GLIS3: variants seen among roughly 807,000 people sequenced by gnomAD.
GLIS3 encodes GLIS family zinc finger 3.
Under a neutral mutation model 78.6 loss-of-function variants are expected in GLIS3, and 53 were observed. The observed-to-expected ratio is 0.67, with a 90% CI of 0.54 to 0.85. GLIS3 has a LOEUF of 0.85. Among genes scored for constraint, GLIS3 ranks in the 40% least tolerant of loss-of-function variants. The probability of loss-of-function intolerance (pLI) is 0.00; values close to 1 mark genes in which losing one functional copy is unlikely to be tolerated. For missense variants in GLIS3, 1,703 were observed against 1,231.1 expected, an observed-to-expected ratio of 1.38 and a Z score of -5.74; for synonymous variants, 684 against 509.9, an observed-to-expected ratio of 1.34 and a Z score of -4.60.
the GLIS3 span, among the ~76,000 whole-genome samples, chr9:4,358,678 TC>T: frequency 6.6e-6 from 1 of 152,182 alleles, no homozygotes; most frequent in African/African-American, 2.4e-5. Flanking sequence ...TGTACAGTAG[TC>T]TTTCTACAGA....
rs1818922867 is a variant in GLIS3 at position 3,977,933 on chromosome 9, T to C, written c.1711-40744A>G. On this transcript the variant is annotated intron_variant, in intron 4 of 10. Coordinates refer to ENST00000381971, the MANE Select transcript of GLIS3 (RefSeq NM_001042413.2). This position sits in a 1 kb window ranked among gnomAD's most constrained non-coding sequence, Gnocchi z 4.1. ...ACTTTTATTTGTGAGTGTGAAATGG[T>C]AATATTTCATGACAGCGAAAGGCCA... 6.6e-6 allele frequency among the ~76,000 whole-genome samples: 1 copy of C among 152,210 alleles called. No individual in the cohort carries two copies. The highest frequency in any genetic ancestry group is 2.1e-4 in the South Asian group (1 of 4,834).
At chr9:4,355,101 T>A in the GLIS3 span, among the ~76,000 whole-genome samples, 1 of 149,748 alleles carries the variant, frequency 6.7e-6, no homozygotes, top group Non-Finnish European at 1.5e-5. Context: ...ACTGCACTCT[T>A]AGCCTGGGCG....
At chr9:4,279,409 T>A (rs890265940) in intron 2 of GLIS3, among the ~76,000 whole-genome samples, 1 of 148,420 alleles carries the variant, frequency 6.7e-6, no homozygotes, top group Non-Finnish European at 1.5e-5. Context: ...ATCAGCGTTT[T>A]TTTTAATGAA....
At position 3,921,923 on chromosome 9, in the gene GLIS3, T is replaced by TAC. The variant is rs6150898; in HGVS notation, c.1983+10435_1983+10436dup. Reference sequence around the variant, plus strand: ...TCTATTATTCATCCATCATACTGTGTACACACACACACACACACACACACT... The same window carrying TAC: ...TCTATTATTCATCCATCATACTGTGTACACACACACACACACACACACACACT... On this transcript the variant is annotated intron_variant, in intron 6 of 10. Coordinates refer to ENST00000381971, the MANE Select transcript of GLIS3 (RefSeq NM_001042413.2). 7.5e-3 allele frequency among the ~76,000 whole-genome samples: 1,123 copies of TAC among 149,858 alleles called. 19 individuals are homozygous for TAC. The highest frequency in any genetic ancestry group is 0.024 in the African/African-American group (976 of 40,786).
At chr9:4,458,343 TTGTGG>T in the GLIS3 span, among the ~76,000 whole-genome samples, 1 of 152,204 alleles carries the variant, frequency 6.6e-6, no homozygotes, top group Non-Finnish European at 1.5e-5. Flanking sequence ...CAAGGAGCTC[TTGTGG>T]TGTGGAGAGA....
the GLIS3 span, among the ~76,000 whole-genome samples, chr9:4,411,418 T>C: frequency 1.3e-5 from 2 of 152,334 alleles, no homozygotes; most frequent in South Asian, 4.1e-4. Context: ...GTGATACAGA[T>C]GACCCATAAT....
chr9:4,445,711 C>G, the GLIS3 span, among the ~76,000 whole-genome samples: 1 of 152,180 alleles, frequency 6.6e-6, no homozygotes, highest in African/African-American at 2.4e-5. Flanking sequence ...AGGGACCAAA[C>G]GACCTACTCA....
intron 4 of GLIS3, among the ~76,000 whole-genome samples, chr9:4,056,222 C>A (rs1245328767): frequency 6.6e-6 from 1 of 152,188 alleles, no homozygotes; most frequent in African/African-American, 2.4e-5. Flanking sequence ...TCTCTAAAAG[C>A]CCTTCCAGCT....
chr9:4,407,917 G>T, the GLIS3 span, among the ~76,000 whole-genome samples: 1 of 150,798 alleles, frequency 6.6e-6, no homozygotes, highest in South Asian at 2.1e-4. Flanking sequence ...AACTCTAAGA[G>T]GAAAAAAAAA....
rs181664170 is a variant in GLIS3, at chr9:4,148,600, C to G, written c.389-22659G>C. On this transcript the variant is annotated intron_variant, in intron 2 of 10. Transcript: ENST00000381971. ...AGGCCCATGAGGACAGGGACTGTAC[C>G]TAATCCACCTGGACCCCTACCCATC... Among the ~76,000 whole-genome samples the G allele has an allele frequency of 1.0e-3, 152 of 152,026 alleles. 1 individual carries two copies. The highest frequency in any genetic ancestry group is 3.5e-3 in the African/African-American group (147 of 41,502).
At chr9:4,290,432 C>T (rs1244890951) in intron 1 of GLIS3, among the ~76,000 whole-genome samples, 2 of 152,044 alleles carry the variant, frequency 1.3e-5, no homozygotes, top group Admixed American at 1.3e-4. Context: ...TGTATAATTT[C>T]ATTAATGCCG....
At chr9:4,198,582 A>G (rs1449181854) in intron 2 of GLIS3, among the ~76,000 whole-genome samples, 2 of 152,214 alleles carry the variant, frequency 1.3e-5, no homozygotes, top group Non-Finnish European at 2.9e-5. Context: ...AGATCTTACA[A>G]ATTACTGGCA....
At chr9:4,360,113 T>C in the GLIS3 span, among the ~76,000 whole-genome samples, 1 of 152,078 alleles carries the variant, frequency 6.6e-6, no homozygotes, top group Non-Finnish European at 1.5e-5. Context: ...CTGTTTTTAC[T>C]CAATGAGGGC....
chr9:3,849,598 T>G (rs1267992485), intron 9 of GLIS3, among the ~76,000 whole-genome samples: 1 of 152,134 alleles, frequency 6.6e-6, no homozygotes, highest in Admixed American at 6.5e-5. Context: ...TTGCACTGTT[T>G]CCTGTTAGAC....
At chr9:4,250,149 G>T (rs146064402) in intron 2 of GLIS3, among the ~76,000 whole-genome samples, 2,020 of 152,246 alleles carry the variant, frequency 0.013, 37 homozygotes, top group African/African-American at 0.047. Flanking sequence ...GAGTTAGGGA[G>T]GATTCCCTCT....
At chr9:4,449,864 G>T in the GLIS3 span, among the ~76,000 whole-genome samples, 1 of 152,272 alleles carries the variant, frequency 6.6e-6, no homozygotes, top group Admixed American at 6.5e-5. Flanking sequence ...AGGACCAAAG[G>T]TAGATAAAAC....
chr9:4,006,647 G>A (rs944129472), intron 4 of GLIS3, among the ~76,000 whole-genome samples: 2 of 152,152 alleles, frequency 1.3e-5, no homozygotes, highest in African/African-American at 4.8e-5. Context: ...TGCACTAGAT[G>A]AAAACACTGA....
At chr9:3,985,016 C>G (rs1346978982) in intron 4 of GLIS3, among the ~76,000 whole-genome samples, 1 of 151,982 alleles carries the variant, frequency 6.6e-6, no homozygotes, top group Non-Finnish European at 1.5e-5. Context: ...TCCATTAAAC[C>G]TCTTTCTTTT....
intron 4 of GLIS3, among the ~76,000 whole-genome samples, chr9:3,972,878 G>C (rs1039842747): frequency 6.6e-6 from 1 of 152,180 alleles, no homozygotes; most frequent in Non-Finnish European, 1.5e-5. Flanking sequence ...AAACACGTTA[G>C]AATGAGTCAC....
Sources: gnomAD v4.1 joint callset for allele counts (sites outside exome capture counted in the v4.1 genomes callset) on GRCh38, gnomAD v4.1.1 for gene constraint, Gnocchi (gnomAD v3.1) non-coding constraint, MANE v1.5 for transcripts, NCBI Gene and HGNC (gene_info 2026-07-23, HGNC 2026-07-21) for gene names.